The following TANC2 variants were observed in gnomAD, a reference collection of about 807,000 sequenced individuals.
The protein encoded by TANC2 is tetratricopeptide repeat, ankyrin repeat and coiled-coil containing 2.
Under a neutral mutation model 210.5 loss-of-function variants are expected in TANC2, and 26 were observed. The ratio of observed to expected loss-of-function variants is 0.12; its 90% CI spans 0.09 to 0.17. TANC2 has a LOEUF of 0.17. Ranked by LOEUF, TANC2 falls within the 10% of genes least tolerant of loss-of-function variation. The pLI is 1.00. For missense variants in TANC2, 2,129 were observed against 2,608.9 expected (o/e 0.82, Z 4.01); for synonymous variants, 931 against 967.1 (o/e 0.96, Z 0.69).
intron 7 of TANC2, among the ~76,000 whole-genome samples, chr17:63,226,635 C>T (rs2042335476): frequency 6.6e-6 from 1 of 152,092 alleles, no homozygotes. Flanking sequence ...GATACACATG[C>T]AGGATGTGCA....
intron 8 of TANC2, among the ~76,000 whole-genome samples, chr17:63,252,039 C>A (rs879507649): frequency 3.3e-5 from 5 of 151,930 alleles, no homozygotes; most frequent in East Asian, 1.9e-4. Context: ...AGAAGTTAAA[C>A]GTGAGAAACT....
rs185410771 is a variant in TANC2, at chr17:63,216,101, T to C, written c.769+15144T>C. Among the ~76,000 whole-genome samples the C allele has an allele frequency of 5.2e-3, 788 of 152,178 alleles. 4 individuals are homozygous for C. The highest frequency in any genetic ancestry group is 8.6e-3 in the Non-Finnish European group (582 of 68,018). On this transcript the variant is annotated intron_variant, in intron 7 of 27. Transcript: ENST00000689528. ...TCTTGCTCTGTTGCCCAAGCTGGAGTGCAATGGTGCGATCTCGGCTCACTG... is the reference window on the plus strand; with the variant it reads ...TCTTGCTCTGTTGCCCAAGCTGGAGCGCAATGGTGCGATCTCGGCTCACTG...
In TANC2 at chr17:62,966,279, G is replaced by A. The variant is rs2031325646; in HGVS notation, c.-494G>A. Among the ~76,000 whole-genome samples the A allele has an allele frequency of 6.8e-6, 1 of 146,152 alleles. No homozygotes were observed. The highest frequency in any genetic ancestry group is 2.1e-4 in the South Asian group (1 of 4,810). ...CGGCGGGGCGCGGGTTGCTGGGCGC[G>A]CTGCTCCGGCGGGGCCCGCTGGCAC... On this transcript the variant is annotated 5_prime_UTR_variant, in exon 1 of 28. Coordinates refer to ENST00000689528, the Ensembl canonical transcript of TANC2. The surrounding 1 kb of genome is among the most constrained non-coding windows in gnomAD (Gnocchi z 5.1).
Position 63,055,977 on chromosome 17 carries a change from AAAAAAAAAAAAAAAT to A in TANC2, c.68-17964_68-17950del, listed in dbSNP as rs1345464302. ...ACCTCATCTCTACCAAAAAAAAAAA[AAAAAAAAAAAAAAAT>A]ATATATATATATATATATATATATA... On this transcript the variant is annotated intron_variant, in intron 2 of 27. Coordinates refer to ENST00000689528, the Ensembl canonical transcript of TANC2. Among the ~76,000 whole-genome samples the A allele has an allele frequency of 1.7e-3, 47 of 28,356 alleles. 1 individual carries two copies. Among genetic ancestry groups the A allele is most frequent in the Admixed American group, 2.9e-3 (6 of 2,048 alleles). 18.6% of individuals were successfully genotyped at this position (28,356 alleles called of 152,430 possible).
chr17:63,396,001 G>T, intron 18 of TANC2, 73 bp downstream of exon 18: 1 of 1,418,282 alleles, frequency 7.1e-7, no homozygotes, highest in Non-Finnish European at 9.5e-7. Flanking sequence ...AGAAAAGATT[G>T]CACGAAGACA....
At chr17:63,396,047 C>A (rs2048146485) in intron 18 of TANC2, 119 bp downstream of exon 18, 2 of 920,572 alleles carry the variant, frequency 2.2e-6, no homozygotes, top group Admixed American at 5.5e-5. Flanking sequence ...TTCGTGATCG[C>A]TGCTCTGAAT....
At chr17:63,393,948 T>C (rs1042976133) in intron 17 of TANC2, among the ~76,000 whole-genome samples, 3 of 151,894 alleles carry the variant, frequency 2.0e-5, no homozygotes, top group Non-Finnish European at 2.9e-5. Context: ...TTTTTGTATT[T>C]TTTAATAGAG....
intron 9 of TANC2, among the ~76,000 whole-genome samples, chr17:63,301,687 T>G (rs913623697): frequency 1.3e-4 from 20 of 152,236 alleles, no homozygotes; most frequent in African/African-American, 4.8e-4. Flanking sequence ...TTATTAGTCT[T>G]GCTAGCAGTC....
At chr17:63,225,770 C>T (rs913931450) in intron 7 of TANC2, among the ~76,000 whole-genome samples, 7 of 152,172 alleles carry the variant, frequency 4.6e-5, no homozygotes, top group South Asian at 2.1e-4. Flanking sequence ...ATTTCTAACT[C>T]GGATTGCTAT....
chr17:63,398,976 C>A, intron 19 of TANC2, 62 bp downstream of exon 19: 1 of 1,250,538 alleles, frequency 8.0e-7, no homozygotes, highest in South Asian at 1.4e-5. Flanking sequence ...TCGAATCTCA[C>A]CCCCTTATTT....
intron 9 of TANC2, among the ~76,000 whole-genome samples, chr17:63,297,745 A>G (rs558435522): frequency 4.0e-4 from 61 of 152,144 alleles, no homozygotes; most frequent in Non-Finnish European, 7.4e-4. Flanking sequence ...TTGTGCATCA[A>G]AGGACACTGT....
intron 1 of TANC2, among the ~76,000 whole-genome samples, chr17:62,985,910 A>G (rs1259020750): frequency 6.6e-6 from 1 of 152,142 alleles, no homozygotes; most frequent in Non-Finnish European, 1.5e-5. Flanking sequence ...TGGAGGCATC[A>G]TATTTCCTTG....
chr17:63,200,716 T>G lies in TANC2; in HGVS notation c.583-55T>G, dbSNP rs2041504682. ...TCAAAGCATTTATTTTATCTTAAAA[T>G]ATACTTTAACAGCTGATCAGGTTAT... On this transcript the variant is annotated intron_variant, in intron 6 of 27. Transcript: ENST00000689528. 2.1e-6 allele frequency: 3 copies of G among 1,442,564 alleles called. No homozygotes were observed. The East Asian group carries it at 7.0e-5, about 33-fold the overall frequency. The allele number at this position is 1,442,564 out of a possible 1,614,324, so 89.4% of individuals were successfully genotyped here.
Position 63,379,583 on chromosome 17 carries a change from C to T in TANC2, c.2583-135C>T, listed in dbSNP as rs368266187. On this transcript the variant is annotated intron_variant, in intron 14 of 27. Transcript: ENST00000689528. ...ACTCAGGAGGCTGAGGGAGGAGAAT[C>T]ACTTAAACCCAAGAGGTGGAGGCTG... is the stretch of plus-strand genomic sequence containing the variant. 15 of 532,740 alleles carry T rather than the reference C, an allele frequency of 2.8e-5. No homozygotes were observed. In the East Asian group the frequency reaches 3.1e-4, roughly 11 times the overall value. 33.0% of individuals were successfully genotyped at this position (532,740 alleles called of 1,614,324 possible).
intron 4 of TANC2, among the ~76,000 whole-genome samples, chr17:63,112,703 GTTTC>G (rs2038098445): frequency 6.6e-6 from 1 of 152,184 alleles, no homozygotes; most frequent in African/African-American, 2.4e-5. Context: ...TGTGTGTAGA[GTTTC>G]TTTTTGTGCC....
At chr17:63,094,838 A>G (rs1290987577) in intron 3 of TANC2, among the ~76,000 whole-genome samples, 1 of 152,148 alleles carries the variant, frequency 6.6e-6, no homozygotes, top group Non-Finnish European at 1.5e-5. Flanking sequence ...CTGTCAAGTT[A>G]GCAGTTTTTA....
chr17:63,044,330 TTG>T (rs2035298511), intron 2 of TANC2, among the ~76,000 whole-genome samples: 1 of 152,186 alleles, frequency 6.6e-6, no homozygotes, highest in African/African-American at 2.4e-5. Flanking sequence ...TTGTTTAGTA[TTG>T]TGTGTTTTAA....
intron 5 of TANC2, chr17:63,155,070 A>T (rs1290900156): frequency 6.6e-6 from 1 of 152,032 alleles, no homozygotes; most frequent in East Asian, 1.9e-4. Flanking sequence ...GGTTGGTGGC[A>T]TTACAGGTGG....
chr17:63,093,407 A>G (rs1369993248), intron 3 of TANC2, among the ~76,000 whole-genome samples: 2 of 152,108 alleles, frequency 1.3e-5, no homozygotes, highest in Non-Finnish European at 2.9e-5. Flanking sequence ...CACCTTTGTC[A>G]CAAATTAGTT....
Sources: allele counts gnomAD v4.1 joint callset (sites outside exome capture counted in the v4.1 genomes callset), GRCh38; gene constraint gnomAD v4.1.1; non-coding constraint Gnocchi (gnomAD v3.1); transcripts MANE v1.5; gene names NCBI Gene and HGNC (gene_info 2026-07-23, HGNC 2026-07-21).